The following RBMS3 variants were observed in gnomAD, a reference collection of about 807,000 sequenced individuals.
RBMS3 encodes RNA binding motif single stranded interacting protein 3.
RBMS3 carries 27 observed loss-of-function variants against 66.8 expected under a neutral mutation model. The ratio of observed to expected loss-of-function variants is 0.40; its 90% CI spans 0.30 to 0.56. RBMS3 has a LOEUF of 0.56. Among genes scored for constraint, RBMS3 ranks in the 20% least tolerant of loss-of-function variants. The pLI, the probability that RBMS3 is intolerant of heterozygous loss-of-function variation, is 0.40. For synonymous variants in RBMS3, 188 were observed against 183.0 expected, an observed-to-expected ratio of 1.03 and a Z score of -0.22; for missense variants, 513 against 549.5, an observed-to-expected ratio of 0.93 and a Z score of 0.66.
chr3:29,669,939 A>G (rs2050925414), intron 4 of RBMS3, among the ~76,000 whole-genome samples: 1 of 152,188 alleles, frequency 6.6e-6, no homozygotes, highest in African/African-American at 2.4e-5. Context: ...GTCCTTTGCC[A>G]AACTTCGCAT....
intron 6 of RBMS3, among the ~76,000 whole-genome samples, chr3:29,829,029 T>TC (rs1341181095): frequency 4.0e-5 from 2 of 50,332 alleles, no homozygotes; most frequent in African/African-American, 1.5e-4. Context: ...TTTCTTTCTT[T>TC]CTTTCTTTCT....
In RBMS3 at chr3:30,005,070, G is replaced by A. The variant is rs1408528013; in HGVS notation, c.*1208G>A. ...TGAAGTGACACCCTATTACAGTCCA[G>A]AAGATAGAGGTTGTTTTCGTTTCTT... On this transcript the variant is annotated 3_prime_UTR_variant, in exon 15 of 15. Transcript: ENST00000383767. 6.6e-6 allele frequency: 1 copy of A among 150,644 alleles called. No individual in the cohort carries two copies. The highest frequency in any genetic ancestry group is 1.5e-5 in the Non-Finnish European group (1 of 67,462). The allele number at this position is 150,644 out of a possible 1,614,324, so 9.3% of individuals were successfully genotyped here.
Position 29,694,863 on chromosome 3 carries a change from A to ATTT in RBMS3, c.400-44857_400-44856insTTT, listed in dbSNP as rs1559577392. Among the ~76,000 whole-genome samples, 280 of 133,336 alleles carry ATTT rather than the reference A, an allele frequency of 2.1e-3. 3 individuals are homozygous for ATTT. Among genetic ancestry groups the ATTT allele is most frequent in the African/African-American group, 8.1e-3 (239 of 29,462 alleles). 87.5% of individuals were successfully genotyped at this position (133,336 alleles called of 152,430 possible). A position where few individuals can be genotyped will look rare whatever the true frequency, so the allele number is the denominator to read the frequency against. ...AAAGCTGCATGCAAATTTTTTTTTA[A>ATTT]AAAAAAAATACAAGGCAGATTGTTT... On this transcript the variant is annotated intron_variant, in intron 4 of 14. Coordinates refer to ENST00000383767, the MANE Select transcript of RBMS3 (RefSeq NM_001003793.3).
At chr3:29,307,980 C>T (rs971756598) in intron 1 of RBMS3, among the ~76,000 whole-genome samples, 6 of 151,398 alleles carry the variant, frequency 4.0e-5, no homozygotes, top group African/African-American at 1.2e-4. Flanking sequence ...AGAAAATTAC[C>T]CCTCACACTT....
intron 6 of RBMS3, among the ~76,000 whole-genome samples, chr3:29,868,490 C>G (rs1485507331): frequency 6.6e-6 from 1 of 152,142 alleles, no homozygotes; most frequent in Non-Finnish European, 1.5e-5. Flanking sequence ...TTCTACAGTG[C>G]AAACACGGTT....
chr3:29,457,293 C>G (rs563997251), intron 2 of RBMS3, among the ~76,000 whole-genome samples: 1 of 152,308 alleles, frequency 6.6e-6, no homozygotes, highest in East Asian at 1.9e-4. Context: ...TCTGCAGTCT[C>G]TTACTCCAAA....
chr3:29,815,432 T>C (rs73831070), intron 6 of RBMS3, among the ~76,000 whole-genome samples: 2,190 of 152,238 alleles, frequency 0.014, 49 homozygotes, highest in South Asian at 0.06. Flanking sequence ...TACTATAATG[T>C]TTAAGAGTAT....
At chr3:29,396,750 C>A (rs984124551) in intron 1 of RBMS3, among the ~76,000 whole-genome samples, 8 of 152,052 alleles carry the variant, frequency 5.3e-5, no homozygotes, top group South Asian at 2.1e-4. Context: ...TTTATGCAAC[C>A]TTTCTCTGTT....
chr3:29,910,770 C>T (rs1868489), intron 10 of RBMS3, among the ~76,000 whole-genome samples: 140,067 of 151,616 alleles, frequency 0.92, 64,749 homozygotes, highest in East Asian at 1. Flanking sequence ...TATATGTATA[C>T]GTATATGTAT....
At chr3:29,396,716 T>C (rs1174897395) in intron 1 of RBMS3, among the ~76,000 whole-genome samples, 1 of 152,184 alleles carries the variant, frequency 6.6e-6, no homozygotes, top group Non-Finnish European at 1.5e-5. Context: ...GGAAAAGATA[T>C]ATTCTTGCAT....
intron 3 of RBMS3, among the ~76,000 whole-genome samples, chr3:29,571,270 G>A (rs1418797331): frequency 3.3e-5 from 5 of 151,968 alleles, no homozygotes; most frequent in Non-Finnish European, 5.9e-5. Flanking sequence ...TCATTCTGTG[G>A]GTTGATTCTT....
At chr3:29,719,700 G>A (rs920771707) in intron 4 of RBMS3, among the ~76,000 whole-genome samples, 4 of 152,114 alleles carry the variant, frequency 2.6e-5, no homozygotes, top group African/African-American at 4.8e-5. Context: ...GGGCCAGGAC[G>A]CAAAAGTCAA....
rs9808928 is a variant in RBMS3 at position 29,981,465 on chromosome 3, T to C, written c.1099-6678T>C. ...GACCTGGCCAGAACTTCCAATACTATGTTGAATAGGAGTGGTGAGAGAGGG... is the reference window on the plus strand; with the variant it reads ...GACCTGGCCAGAACTTCCAATACTACGTTGAATAGGAGTGGTGAGAGAGGG... On this transcript the variant is annotated intron_variant, in intron 12 of 14. Transcript: ENST00000383767. Among the ~76,000 whole-genome samples the C allele has an allele frequency of 1.3e-3, 202 of 152,290 alleles. 1 individual carries two copies. The highest frequency in any genetic ancestry group is 4.3e-3 in the African/African-American group (179 of 41,558).
chr3:29,468,389 C>G (rs1052961630), intron 2 of RBMS3, among the ~76,000 whole-genome samples: 2 of 152,134 alleles, frequency 1.3e-5, no homozygotes, highest in Non-Finnish European at 1.5e-5. Flanking sequence ...TCCAGAAAGG[C>G]TCAGCTTTAA....
chr3:29,320,025 G>A (rs1012569189), intron 1 of RBMS3, among the ~76,000 whole-genome samples: 1 of 152,018 alleles, frequency 6.6e-6, no homozygotes, highest in Non-Finnish European at 1.5e-5. Context: ...ACTCGAGTCA[G>A]TTAAGCTCTC....
chr3:29,906,695 A>G (rs1020676183), intron 10 of RBMS3, among the ~76,000 whole-genome samples: 11 of 152,118 alleles, frequency 7.2e-5, no homozygotes, highest in Non-Finnish European at 5.9e-5. Context: ...GAATATATAC[A>G]TAAGTTAAAA....
At chr3:29,701,922 C>T (rs886985286) in intron 4 of RBMS3, among the ~76,000 whole-genome samples, 17 of 152,192 alleles carry the variant, frequency 1.1e-4, no homozygotes, top group African/African-American at 4.1e-4. Context: ...CTGAGGAGTG[C>T]AGGCCCTCGG....
chr3:29,637,410 A>G (rs929488452), intron 4 of RBMS3, among the ~76,000 whole-genome samples: 7 of 152,006 alleles, frequency 4.6e-5, no homozygotes, highest in African/African-American at 1.7e-4. Flanking sequence ...AAGGGAAATG[A>G]AAGGATCCTT....
At chr3:29,380,233 C>T (rs917919485) in intron 1 of RBMS3, among the ~76,000 whole-genome samples, 1 of 151,852 alleles carries the variant, frequency 6.6e-6, no homozygotes, top group African/African-American at 2.4e-5. Context: ...CACACACACA[C>T]ACACGTACAT....
Sources: allele counts gnomAD v4.1 joint callset (sites outside exome capture counted in the v4.1 genomes callset), GRCh38; gene constraint gnomAD v4.1.1; transcripts MANE v1.5; gene names NCBI Gene and HGNC (gene_info 2026-07-23, HGNC 2026-07-21).